RASGRP3: variants seen among roughly 807,000 people sequenced by gnomAD.
RASGRP3 encodes ras guanyl-releasing protein 3.
A neutral mutation model predicts 82.7 loss-of-function variants in RASGRP3; 54 were observed. The observed-to-expected ratio is 0.65, with a 90% CI of 0.52 to 0.82. The LOEUF (loss-of-function observed/expected upper bound fraction) is 0.82, where lower values mean the gene tolerates loss of function less well. Ranked by LOEUF, RASGRP3 falls within the 40% of genes least tolerant of loss-of-function variation. The probability of loss-of-function intolerance (pLI) is 0.00; values close to 1 mark genes in which losing one functional copy is unlikely to be tolerated. For missense variants in RASGRP3, 861 were observed against 828.9 expected, an observed-to-expected ratio of 1.04 and a Z score of -0.48; for synonymous variants, 309 against 300.5, an observed-to-expected ratio of 1.03 and a Z score of -0.29.
intron 12 of RASGRP3, chr2:33,539,513 C>T (rs1192789701): frequency 5.2e-6 from 1 of 192,036 alleles, no homozygotes; most frequent in Non-Finnish European, 1.1e-5. Flanking sequence ...ATTAGAATCA[C>T]TCATGAAAAA....
chr2:33,491,411 A>G (rs1164904548), intron 1 of RASGRP3, among the ~76,000 whole-genome samples: 4 of 152,148 alleles, frequency 2.6e-5, no homozygotes, highest in Non-Finnish European at 5.9e-5. Flanking sequence ...TGGTTGATGG[A>G]TAGATTGATT....
At chr2:33,445,057 G>C (rs1408179565) in intron 1 of RASGRP3, among the ~76,000 whole-genome samples, 2 of 152,210 alleles carry the variant, frequency 1.3e-5, no homozygotes, top group African/African-American at 2.4e-5. Flanking sequence ...ACCACTTGCT[G>C]ATGTCTTTTC....
intron 13 of RASGRP3, among the ~76,000 whole-genome samples, chr2:33,544,574 A>C (rs1418992763): frequency 6.6e-6 from 1 of 152,180 alleles, no homozygotes; most frequent in African/African-American, 2.4e-5. Context: ...AATTGTTAAT[A>C]GTACGAGATT....
chr2:33,463,500 C>A lies in RASGRP3; in HGVS notation c.-261+15557C>A, dbSNP rs151155933. ...AATTTGTCTGGAAATTTGGGAGTTT[C>A]TCCAGGATGCTGAAGAAAGGGGGCC... On this transcript the variant is annotated intron_variant, in intron 2 of 18. Coordinates refer to the RASGRP3 transcript ENST00000402538. 3.2e-3 allele frequency among the ~76,000 whole-genome samples: 481 copies of A among 151,436 alleles called. 3 individuals carry two copies. Among genetic ancestry groups the A allele is most frequent in the African/African-American group, 0.011 (453 of 41,306 alleles).
Position 33,558,962 on chromosome 2 carries a change from G to T in RASGRP3, c.1996G>T (p.Val666Phe). The T allele has an allele frequency of 6.2e-7, 1 of 1,614,010 alleles. No individual in the cohort carries two copies. The highest frequency in any genetic ancestry group is 8.5e-7 in the Non-Finnish European group (1 of 1,179,892). ...EKPRVHAGVD[V>F]VDRGTEFELD... ...GCCCAGGGTGCATGCTGGTGTGGAT[G>T]TTGTAGACCGGGGCACGGAGTTTGA... Residue 666 changes from valine to phenylalanine, a missense_variant, in exon 17 of 18, where the codon GTT (valine) becomes TTT (phenylalanine). Val to Phe is a conservative substitution (Grantham distance 50). Transcript: ENST00000403687.
At position 33,523,196 on chromosome 2, in the gene RASGRP3, G is replaced by A. The variant is rs1265098047; in HGVS notation, c.517-683G>A. The stretch of plus-strand genomic sequence containing the variant: ...GTGTTAAAAATGGAGATTCTTGGCC[G>A]GGCGCGCCTTTAATCCCAGCACTTT... On this transcript the variant is annotated intron_variant, in intron 7 of 17. Transcript: ENST00000403687. Among the ~76,000 whole-genome samples, 7 of 152,004 alleles carry A rather than the reference G, an allele frequency of 4.6e-5. No homozygotes were observed. In the South Asian group the frequency reaches 6.2e-4, roughly 14 times the overall value.
intron 6 of RASGRP3, among the ~76,000 whole-genome samples, 180 bp downstream of exon 6, chr2:33,520,864 G>GT (rs1391773554): frequency 6.6e-6 from 1 of 152,006 alleles, no homozygotes; most frequent in Non-Finnish European, 1.5e-5. Context: ...CCAAGCTTCA[G>GT]TTTTTTTTAT....
intron 10 of RASGRP3, among the ~76,000 whole-genome samples, chr2:33,528,306 C>A (rs139957142): frequency 3.9e-4 from 59 of 152,292 alleles, no homozygotes; most frequent in African/African-American, 1.4e-3. Flanking sequence ...GTGGCTTAGA[C>A]AAAAGAAGTT....
intron 3 of RASGRP3, 106 bp from the exon 4 acceptor site, chr2:33,516,436 C>G: frequency 1.5e-6 from 1 of 685,372 alleles, no homozygotes; most frequent in Non-Finnish European, 2.4e-6. Flanking sequence ...GATCATTTGT[C>G]TATGAAAAGT....
At chr2:33,488,320 T>G (rs951709735) in intron 1 of RASGRP3, among the ~76,000 whole-genome samples, 6 of 152,244 alleles carry the variant, frequency 3.9e-5, no homozygotes, top group Non-Finnish European at 7.3e-5. Flanking sequence ...ACAGAGCTGG[T>G]ACTAGAACAA....
intron 1 of RASGRP3, chr2:33,481,469 C>G (rs1667891564): frequency 6.6e-6 from 1 of 151,656 alleles, no homozygotes; most frequent in Non-Finnish European, 1.5e-5. Context: ...CCTAGTTATG[C>G]TATCTTTCAA....
intron 1 of RASGRP3, among the ~76,000 whole-genome samples, chr2:33,443,180 T>C (rs1021743563): frequency 6.6e-6 from 1 of 152,238 alleles, no homozygotes; most frequent in African/African-American, 2.4e-5. Context: ...TTCATGTTTC[T>C]ATTTTTTAAA....
intron 11 of RASGRP3, among the ~76,000 whole-genome samples, chr2:33,537,654 C>T (rs1673789852): frequency 1.3e-5 from 2 of 151,962 alleles, no homozygotes; most frequent in African/African-American, 4.8e-5. Context: ...AGCCACTGTA[C>T]CCAGCCTCTA....
intron 2 of RASGRP3, among the ~76,000 whole-genome samples, chr2:33,462,164 AG>A (rs888602912): frequency 1.3e-5 from 2 of 152,132 alleles, no homozygotes; most frequent in African/African-American, 4.8e-5. Flanking sequence ...ATTTGGAAAG[AG>A]GAAAAAAAAA....
At chr2:33,477,346 C>T (rs1667467712) in intron 1 of RASGRP3, among the ~76,000 whole-genome samples, 1 of 152,036 alleles carries the variant, frequency 6.6e-6, no homozygotes, top group Admixed American at 6.5e-5. Flanking sequence ...GACTTTTTTT[C>T]CCCCCAACAA....
At chr2:33,496,227 T>C (rs1332127318) in intron 1 of RASGRP3, among the ~76,000 whole-genome samples, 14 of 152,176 alleles carry the variant, frequency 9.2e-5, no homozygotes, top group Admixed American at 9.2e-4. Flanking sequence ...TAAATAGGCT[T>C]TATCAGATAA....
At chr2:33,532,636 G>A (rs1357663844) in intron 10 of RASGRP3, 1 of 152,174 alleles carries the variant, frequency 6.6e-6, no homozygotes, top group Non-Finnish European at 1.5e-5. Context: ...CTGTTCAGGG[G>A]AAGGTGAATA....
intron 1 of RASGRP3, among the ~76,000 whole-genome samples, chr2:33,444,368 C>T (rs936927485): frequency 5.9e-5 from 9 of 152,156 alleles, no homozygotes; most frequent in South Asian, 4.1e-4. Context: ...TTTCAACATG[C>T]ACCCAATATA....
upstream of RASGRP3, among the ~76,000 whole-genome samples, chr2:33,474,113 C>G (rs1221989724): frequency 6.6e-6 from 1 of 152,116 alleles, no homozygotes; most frequent in Non-Finnish European, 1.5e-5. Context: ...CTCTAACAGA[C>G]CATGGACAGG....
Sources: allele counts gnomAD v4.1 joint callset (sites outside exome capture counted in the v4.1 genomes callset), GRCh38; gene constraint gnomAD v4.1.1; transcripts MANE v1.5; gene names NCBI Gene and HGNC (gene_info 2026-07-23, HGNC 2026-07-21).